NIBAN1: variants seen among roughly 807,000 people sequenced by gnomAD.
The protein encoded by NIBAN1 is niban apoptosis regulator 1.
A neutral mutation model predicts 75.1 loss-of-function variants in NIBAN1; 81 were observed. The ratio of observed to expected loss-of-function variants is 1.08; its 90% CI spans 0.90 to 1.30. NIBAN1 has a LOEUF of 1.30. Ranked by LOEUF, NIBAN1 falls within the 50% of genes most tolerant of loss-of-function variation. The probability of loss-of-function intolerance (pLI) is 0.00; values close to 1 mark genes in which losing one functional copy is unlikely to be tolerated. For missense variants in NIBAN1, 1,133 were observed against 1,128.1 expected (o/e 1.00, Z -0.06); for synonymous variants, 436 against 424.8 (o/e 1.03, Z -0.32).
chr1:184,961,481 C>T (rs1658645971), intron 1 of NIBAN1, among the ~76,000 whole-genome samples: 1 of 152,156 alleles, frequency 6.6e-6, no homozygotes, highest in Admixed American at 6.5e-5. Context: ...TGCCCAATTG[C>T]CACCATCAGT....
At chr1:184,799,257 T>C (rs704311) in intron 12 of NIBAN1, among the ~76,000 whole-genome samples, 76,112 of 147,562 alleles carry the variant, frequency 0.52, 20,368 homozygotes, top group African/African-American at 0.68. Flanking sequence ...GTGTTCTCAT[T>C]GTTCAATTCC....
intron 1 of NIBAN1, among the ~76,000 whole-genome samples, chr1:184,955,082 T>A (rs1243003605): frequency 6.6e-6 from 1 of 152,220 alleles, no homozygotes; most frequent in Non-Finnish European, 1.5e-5. Context: ...GCCAAAATTG[T>A]ATTACTTCAA....
intron 1 of NIBAN1, among the ~76,000 whole-genome samples, chr1:184,936,237 C>G (rs1439372479): frequency 6.6e-6 from 1 of 151,946 alleles, no homozygotes; most frequent in Non-Finnish European, 1.5e-5. Context: ...AATGGAGGAT[C>G]CTGAGGGAAA....
At chr1:184,908,983 T>C (rs1458636930) in intron 1 of NIBAN1, among the ~76,000 whole-genome samples, 1 of 152,184 alleles carries the variant, frequency 6.6e-6, no homozygotes, top group Non-Finnish European at 1.5e-5. Context: ...TTAGACAACC[T>C]TTCTTGGTTT....
At chr1:184,908,637 AC>A (rs1299014119) in intron 1 of NIBAN1, among the ~76,000 whole-genome samples, 3 of 152,232 alleles carry the variant, frequency 2.0e-5, no homozygotes, top group Non-Finnish European at 4.4e-5. Flanking sequence ...ATTTATGCAC[AC>A]ATCTTGTTTC....
chr1:184,816,316 C>G (rs970365827), intron 9 of NIBAN1, among the ~76,000 whole-genome samples: 1 of 152,092 alleles, frequency 6.6e-6, no homozygotes, highest in Non-Finnish European at 1.5e-5. Flanking sequence ...CAAATGGTCC[C>G]CCTTCAACTG....
chr1:184,824,708 G>GTC (rs1022145542), intron 6 of NIBAN1, among the ~76,000 whole-genome samples: 86 of 152,224 alleles, frequency 5.6e-4, no homozygotes, highest in African/African-American at 1.9e-3. Flanking sequence ...TTTAAATGGA[G>GTC]TTTTATAAAA....
chr1:184,974,370 CT>C lies in NIBAN1; in HGVS notation c.-15del. ...TGAGCCGCCCATGACCGCGAGCTGC[CT>C]GTGCTGAGCGCGGAAACTGCCCGGT... On this transcript the variant is annotated 5_prime_UTR_variant, in exon 1 of 14. Coordinates refer to ENST00000367511, the MANE Select transcript of NIBAN1 (RefSeq NM_052966.4). 6.5e-7 allele frequency: 1 copy of C among 1,550,366 alleles called. No individual in the cohort carries two copies. The highest frequency in any genetic ancestry group is 8.7e-7 in the Non-Finnish European group (1 of 1,154,368).
chr1:184,947,995 C>T (rs1264054371), intron 1 of NIBAN1, among the ~76,000 whole-genome samples: 3 of 152,136 alleles, frequency 2.0e-5, no homozygotes, highest in African/African-American at 7.2e-5. Flanking sequence ...AACTATAAGA[C>T]ATACAGAAAT....
chr1:184,852,206 C>T (rs1655559887), intron 5 of NIBAN1, among the ~76,000 whole-genome samples: 1 of 152,202 alleles, frequency 6.6e-6, no homozygotes, highest in East Asian at 1.9e-4. Context: ...CAGAAGAGAT[C>T]TCCACTGCCT....
At chr1:184,900,402 G>A (rs1448301939) in intron 1 of NIBAN1, among the ~76,000 whole-genome samples, 1 of 152,148 alleles carries the variant, frequency 6.6e-6, no homozygotes, top group Non-Finnish European at 1.5e-5. Context: ...TAACTATAAA[G>A]GAAGGTGCTC....
Position 184,799,693 on chromosome 1 carries a change from C to T in NIBAN1, c.1555-1503G>A, listed in dbSNP as rs1296047064. 3.6e-5 allele frequency among the ~76,000 whole-genome samples: 4 copies of T among 111,460 alleles called. 1 individual carries two copies. The highest frequency in any genetic ancestry group is 7.1e-5 in the Non-Finnish European group (4 of 56,520). 73.1% of individuals were successfully genotyped at this position (111,460 alleles called of 152,430 possible). On this transcript the variant is annotated intron_variant, in intron 12 of 13. Coordinates refer to ENST00000367511, the MANE Select transcript of NIBAN1 (RefSeq NM_052966.4). ...AAGTGTTCCTATTTCTCCACATCCTCTCCAGCACCTGTTGTTTCCTGACTT... is the reference window on the plus strand; with the variant it reads ...AAGTGTTCCTATTTCTCCACATCCTTTCCAGCACCTGTTGTTTCCTGACTT...
At chr1:184,826,476 G>C (rs975383917) in intron 6 of NIBAN1, among the ~76,000 whole-genome samples, 2 of 152,206 alleles carry the variant, frequency 1.3e-5, no homozygotes, top group Non-Finnish European at 2.9e-5. Context: ...AGCCCACCCT[G>C]CTCAATGGGA....
chr1:184,839,727 C>T (rs1202871685), intron 5 of NIBAN1, among the ~76,000 whole-genome samples: 1 of 152,054 alleles, frequency 6.6e-6, no homozygotes, highest in Admixed American at 6.6e-5. Context: ...TCCTGAGTAG[C>T]TGGGATTACA....
chr1:184,952,913 G>A (rs1187789678), intron 1 of NIBAN1, among the ~76,000 whole-genome samples: 1 of 152,156 alleles, frequency 6.6e-6, no homozygotes, highest in African/African-American at 2.4e-5. Context: ...TGTCTATTAA[G>A]TCTGAAGCAT....
At chr1:184,813,725 ATGT>A (rs1654447592) in intron 9 of NIBAN1, among the ~76,000 whole-genome samples, 2 of 152,322 alleles carry the variant, frequency 1.3e-5, no homozygotes, top group East Asian at 3.9e-4. Context: ...TATGCCAGAA[ATGT>A]TGTATAATTT....
At chr1:184,940,574 T>G (rs1016465062) in intron 1 of NIBAN1, among the ~76,000 whole-genome samples, 1 of 152,182 alleles carries the variant, frequency 6.6e-6, no homozygotes, top group Non-Finnish European at 1.5e-5. Context: ...ACCTAATTTG[T>G]GTAAATTAGT....
intron 2 of NIBAN1, among the ~76,000 whole-genome samples, chr1:184,896,769 A>G (rs1656811395): frequency 6.6e-6 from 1 of 152,148 alleles, no homozygotes; most frequent in African/African-American, 2.4e-5. Flanking sequence ...ATGACTAGCC[A>G]GTTTTCTCAG....
At position 184,856,768 on chromosome 1, in the gene NIBAN1, G is replaced by A. The variant is rs1466909206; in HGVS notation, c.602-24806C>T. 3.9e-5 allele frequency among the ~76,000 whole-genome samples: 6 copies of A among 152,180 alleles called. No homozygotes were observed. In the East Asian group the frequency reaches 1.2e-3, roughly 29 times the overall value. ...CCACCTGTTCCCCATTGGATCCCCG[G>A]CACTCTGAACAATCACAAGGCAGGT... On this transcript the variant is annotated intron_variant, in intron 5 of 13. Transcript: ENST00000367511.
Sources: gnomAD v4.1 joint callset for allele counts (sites outside exome capture counted in the v4.1 genomes callset) on GRCh38, gnomAD v4.1.1 for gene constraint, MANE v1.5 for transcripts, NCBI Gene and HGNC (gene_info 2026-07-23, HGNC 2026-07-21) for gene names.